Variants in DPH3 observed in about 807,000 individuals in gnomAD.
DPH3 encodes the protein diphthamide biosynthesis protein 3.
In DPH3, 8 loss-of-function variants were observed where a neutral mutation model predicts 10.2. That is an observed-to-expected ratio of 0.79 (90% CI 0.46 to 1.42). DPH3 has a LOEUF of 1.42. Among genes scored for constraint, DPH3 ranks in the 40% most tolerant of loss-of-function variants. DPH3 has a pLI of 0.00. For synonymous variants in DPH3, 35 were observed against 35.6 expected, an observed-to-expected ratio of 0.98 and a Z score of 0.06; for missense variants, 96 against 98.9, an observed-to-expected ratio of 0.97 and a Z score of 0.12.
chr3:16,260,642 T>C lies in DPH3; in HGVS notation c.*122A>G. On this transcript the variant is annotated 3_prime_UTR_variant, in exon 3 of 3. Transcript: ENST00000488423. The stretch of plus-strand genomic sequence containing the variant: ...TGATATCAGCAGTTGATAGAAAGAA[T>C]CCACACTCTTACAGAACAGCAAATC... The C allele has an allele frequency of 5.1e-6, 4 of 783,990 alleles. No individual in the cohort carries two copies. The highest frequency in any genetic ancestry group is 8.2e-6 in the Non-Finnish European group (4 of 485,924). 48.6% of individuals were successfully genotyped at this position (783,990 alleles called of 1,614,324 possible). A position where few individuals can be genotyped will look rare whatever the true frequency, so the allele number is the denominator to read the frequency against.
Position 16,262,294 on chromosome 3 carries a change from G to A in DPH3, c.184-1465C>T, listed in dbSNP as rs1289493489. Reference sequence around the variant, plus strand: ...TGCCCATTGGTTTCTTCACTCATGCGCTGTTCCTGTTACTCCATGGAAACT... The same window carrying A: ...TGCCCATTGGTTTCTTCACTCATGCACTGTTCCTGTTACTCCATGGAAACT... On this transcript the variant is annotated intron_variant, in intron 2 of 2. Coordinates refer to ENST00000488423, the MANE Select transcript of DPH3 (RefSeq NM_206831.3). The surrounding 1 kb of genome is among the most constrained non-coding windows in gnomAD (Gnocchi z 4.7). Among the ~76,000 whole-genome samples the A allele has an allele frequency of 2.0e-5, 3 of 152,102 alleles. No individual in the cohort carries two copies. Among genetic ancestry groups the A allele is most frequent in the Non-Finnish European group, 4.4e-5 (3 of 68,020 alleles).
At chr3:16,264,041 G>T in intron 2 of DPH3, 114 bp downstream of exon 2, 1 of 547,330 alleles carries the variant, frequency 1.8e-6, no homozygotes, top group South Asian at 6.9e-5. Context: ...AAAAAATACC[G>T]CACTTTACCT....
At position 16,263,182 on chromosome 3, in the gene DPH3, C is replaced by T. The variant is rs1353781055; in HGVS notation, c.183+973G>A. On this transcript the variant is annotated intron_variant, in intron 2 of 2. Coordinates refer to ENST00000488423, the MANE Select transcript of DPH3 (RefSeq NM_206831.3). The surrounding 1 kb of genome is among the most constrained non-coding windows in gnomAD (Gnocchi z 4.0). ...CTTCTTACGCTACTCTCATCCTGCTCTGCTCTGGTCACACTGGCCTCCTTT... is the reference window on the plus strand; with the variant it reads ...CTTCTTACGCTACTCTCATCCTGCTTTGCTCTGGTCACACTGGCCTCCTTT... Among the ~76,000 whole-genome samples the T allele has an allele frequency of 2.6e-5, 4 of 152,180 alleles. No homozygotes were observed. Among genetic ancestry groups the T allele is most frequent in the Non-Finnish European group, 4.4e-5 (3 of 68,034 alleles).
chr3:16,257,212 A>T lies in DPH3; in HGVS notation c.*3552T>A, dbSNP rs1372474235. 6.6e-6 allele frequency among the ~76,000 whole-genome samples: 1 copy of T among 152,220 alleles called. No homozygotes were observed. Among genetic ancestry groups the T allele is most frequent in the East Asian group, 1.9e-4 (1 of 5,198 alleles). Reference sequence around the variant, plus strand: ...CCATTTTTTGCACATGACAGGCATTAGCTGTCATGTTTTATAGATACTAGC... The same window carrying T: ...CCATTTTTTGCACATGACAGGCATTTGCTGTCATGTTTTATAGATACTAGC... On this transcript the variant is annotated 3_prime_UTR_variant, in exon 3 of 3. Coordinates refer to ENST00000488423, the MANE Select transcript of DPH3 (RefSeq NM_206831.3).
intron 2 of DPH3, 76 bp downstream of exon 2, chr3:16,264,079 A>C: frequency 9.4e-7 from 1 of 1,059,346 alleles, no homozygotes; most frequent in East Asian, 2.7e-5. Context: ...TCCTGCACTC[A>C]TCACTGACAA....
Position 16,263,697 on chromosome 3 carries a change from A to G in DPH3, c.183+458T>C, listed in dbSNP as rs1354276343. Among the ~76,000 whole-genome samples, 1 of 152,202 alleles carries G rather than the reference A, an allele frequency of 6.6e-6. No homozygotes were observed. Among genetic ancestry groups the G allele is most frequent in the Admixed American group, 6.5e-5 (1 of 15,282 alleles). On this transcript the variant is annotated intron_variant, in intron 2 of 2. Coordinates refer to ENST00000488423, the MANE Select transcript of DPH3 (RefSeq NM_206831.3). This position sits in a 1 kb window ranked among gnomAD's most constrained non-coding sequence, Gnocchi z 4.0. ...TCCTTGGGTGAAAGATAATAGGGCA[A>G]CTAAAGACTAAAATGAAATTGTAAA...
chr3:16,264,897 G>A lies in DPH3; in HGVS notation c.-21C>T, dbSNP rs1000418511. ...GCCATGGTCAGCGGGGGTGGCCGAA[G>A]GGGTAACGCCCCAGCAGTCCGAGGC... On this transcript the variant is annotated 5_prime_UTR_variant, in exon 1 of 3. Transcript: ENST00000488423. The A allele has an allele frequency of 2.0e-5, 33 of 1,613,470 alleles. No homozygotes were observed. Among genetic ancestry groups the A allele is most frequent in the Non-Finnish European group, 2.2e-5 (26 of 1,179,548 alleles).
chr3:16,264,559 C>A (rs1264286465), intron 1 of DPH3: 3 of 604,598 alleles, frequency 5.0e-6, no homozygotes, highest in Non-Finnish European at 8.7e-6. Flanking sequence ...GCCACCCTCT[C>A]CCTGACCTAA....
At chr3:16,260,940 A>G (rs1331778661) in intron 2 of DPH3, 111 bp from the exon 3 acceptor site, 4 of 901,820 alleles carry the variant, frequency 4.4e-6, no homozygotes, top group East Asian at 2.7e-5. Flanking sequence ...ATTGTTTTTC[A>G]TTTGCTATTA....
Position 16,264,751 on chromosome 3 carries a change from G to C in DPH3, c.108+18C>G. On this transcript the variant is annotated intron_variant, in intron 1 of 2. Transcript: ENST00000488423. ...TGCGCTTGCTTGGGTGAACCGCCGG[G>C]CGGGACCCTGAAGTTACCTTGGTGA... 3 of 1,612,906 alleles carry C rather than the reference G, an allele frequency of 1.9e-6. No homozygotes were observed. The highest frequency in any genetic ancestry group is 2.5e-6 in the Non-Finnish European group (3 of 1,179,178).
chr3:16,258,778 G>C lies in DPH3; in HGVS notation c.*1986C>G, dbSNP rs2064272220. On this transcript the variant is annotated 3_prime_UTR_variant, in exon 3 of 3. Coordinates refer to ENST00000488423, the MANE Select transcript of DPH3 (RefSeq NM_206831.3). ...CTGGTTTTACCTTCTGCTTAACACAGGATTCAATCTTGATGTGTTCTCCTA... is the reference window on the plus strand; with the variant it reads ...CTGGTTTTACCTTCTGCTTAACACACGATTCAATCTTGATGTGTTCTCCTA... 1 of 152,138 alleles carries C rather than the reference G, an allele frequency of 6.6e-6. No homozygotes were observed. Among genetic ancestry groups the C allele is most frequent in the Non-Finnish European group, 1.5e-5 (1 of 68,022 alleles). 9.4% of individuals were successfully genotyped at this position (152,138 alleles called of 1,614,324 possible).
In DPH3 at chr3:16,263,591, C is replaced by T. The variant is rs2064325767; in HGVS notation, c.183+564G>A. The stretch of plus-strand genomic sequence containing the variant: ...ATCCTTGAGAGTGTTAAGGTCCTTA[C>T]CTAAGATTCCATTCCAAGTACTGAA... On this transcript the variant is annotated intron_variant, in intron 2 of 2. Transcript: ENST00000488423. The surrounding 1 kb of genome is among the most constrained non-coding windows in gnomAD (Gnocchi z 4.0). Among the ~76,000 whole-genome samples the T allele has an allele frequency of 6.6e-6, 1 of 152,186 alleles. No homozygotes were observed. Among genetic ancestry groups the T allele is most frequent in the Non-Finnish European group, 1.5e-5 (1 of 68,028 alleles).
chr3:16,259,078 A>G lies in DPH3; in HGVS notation c.*1686T>C, dbSNP rs2064274142. ...CAGAAAGAGCTAACATGTTGGCAGTATCTAGAAAACCATCAACATGATCAT... is the reference window on the plus strand; with the variant it reads ...CAGAAAGAGCTAACATGTTGGCAGTGTCTAGAAAACCATCAACATGATCAT... On this transcript the variant is annotated 3_prime_UTR_variant, in exon 3 of 3. Transcript: ENST00000488423. The G allele has an allele frequency of 6.6e-6, 1 of 152,236 alleles. No individual in the cohort carries two copies. Among genetic ancestry groups the G allele is most frequent in the South Asian group, 2.1e-4 (1 of 4,834 alleles). 9.4% of individuals were successfully genotyped at this position (152,236 alleles called of 1,614,324 possible). A position where few individuals can be genotyped will look rare whatever the true frequency, so the allele number is the denominator to read the frequency against.
At chr3:16,264,015 G>T in intron 2 of DPH3, 140 bp downstream of exon 2, 1 of 447,154 alleles carries the variant, frequency 2.2e-6, no homozygotes, top group Non-Finnish European at 4.0e-6. Flanking sequence ...TATCAATGGT[G>T]TTTAAAACCT....
In DPH3 at chr3:16,258,767, T is replaced by C. The variant is rs1369461734; in HGVS notation, c.*1997A>G. On this transcript the variant is annotated 3_prime_UTR_variant, in exon 3 of 3. Transcript: ENST00000488423. ...TGCGCCTGGCTCTGGTTTTACCTTC[T>C]GCTTAACACAGGATTCAATCTTGAT... The C allele has an allele frequency of 6.6e-6, 1 of 152,240 alleles. No individual in the cohort carries two copies. Among genetic ancestry groups the C allele is most frequent in the African/African-American group, 2.4e-5 (1 of 41,452 alleles). 9.4% of individuals were successfully genotyped at this position (152,240 alleles called of 1,614,324 possible).
chr3:16,262,444 G>A lies in DPH3; in HGVS notation c.184-1615C>T, dbSNP rs1441272796. 6.6e-6 allele frequency among the ~76,000 whole-genome samples: 1 copy of A among 152,102 alleles called. No individual in the cohort carries two copies. The highest frequency in any genetic ancestry group is 6.5e-5 in the Admixed American group (1 of 15,270). On this transcript the variant is annotated intron_variant, in intron 2 of 2. Coordinates refer to ENST00000488423, the MANE Select transcript of DPH3 (RefSeq NM_206831.3). The surrounding 1 kb of genome is among the most constrained non-coding windows in gnomAD (Gnocchi z 4.7). ...TCAATCCTTTCTCATCTGGTTTCCA[G>A]GATTTGACACTGCTGATTTTCCTCC...
rs2064265197 is a variant in DPH3, at chr3:16,258,061, T to C, written c.*2703A>G. ...TAATATGTGCAGTTATAAAAAATGT[T>C]GGGTACTTTTTCCAAGAAAAATGTT... On this transcript the variant is annotated 3_prime_UTR_variant, in exon 3 of 3. Coordinates refer to ENST00000488423, the MANE Select transcript of DPH3 (RefSeq NM_206831.3). 6.6e-6 allele frequency: 1 copy of C among 152,240 alleles called. No individual in the cohort carries two copies. Among genetic ancestry groups the C allele is most frequent in the African/African-American group, 2.4e-5 (1 of 41,460 alleles). 9.4% of individuals were successfully genotyped at this position (152,240 alleles called of 1,614,324 possible). A position where few individuals can be genotyped will look rare whatever the true frequency, so the allele number is the denominator to read the frequency against.
chr3:16,261,801 G>C lies in DPH3; in HGVS notation c.184-972C>G, dbSNP rs1373309702. Among the ~76,000 whole-genome samples the C allele has an allele frequency of 6.6e-6, 1 of 152,128 alleles. No homozygotes were observed. The highest frequency in any genetic ancestry group is 1.5e-5 in the Non-Finnish European group (1 of 68,018). The stretch of plus-strand genomic sequence containing the variant: ...ACCAGAGGGATTGGAAGTGGGGCTA[G>C]TTCCTCCTTTTTGCCTCCATTCTCC... On this transcript the variant is annotated intron_variant, in intron 2 of 2. Coordinates refer to ENST00000488423, the MANE Select transcript of DPH3 (RefSeq NM_206831.3). This position sits in a 1 kb window ranked among gnomAD's most constrained non-coding sequence, Gnocchi z 7.1.
rs2064291722 is a variant in DPH3, at chr3:16,261,313, T to C, written c.184-484A>G. Among the ~76,000 whole-genome samples the C allele has an allele frequency of 6.6e-6, 1 of 152,218 alleles. No individual in the cohort carries two copies. The highest frequency in any genetic ancestry group is 6.5e-5 in the Admixed American group (1 of 15,284). On this transcript the variant is annotated intron_variant, in intron 2 of 2. Transcript: ENST00000488423. This position sits in a 1 kb window ranked among gnomAD's most constrained non-coding sequence, Gnocchi z 7.1. ...AAATGAAGTTCAATCTCTGGTCTTT[T>C]ATCCTGGCTTATGTCAGCTACCACC...
Sources: allele counts gnomAD v4.1 joint callset (sites outside exome capture counted in the v4.1 genomes callset), GRCh38; gene constraint gnomAD v4.1.1; non-coding constraint Gnocchi (gnomAD v3.1); transcripts MANE v1.5; gene names NCBI Gene and HGNC (gene_info 2026-07-23, HGNC 2026-07-21).